The following COX6B1 variants were observed in gnomAD, a reference collection of about 807,000 sequenced individuals.
COX6B1 encodes COX VIb-1.
A neutral mutation model predicts 14.0 loss-of-function variants in COX6B1; 2 were observed. The ratio of observed to expected loss-of-function variants is 0.14; its 90% CI spans 0.06 to 0.45. The LOEUF (loss-of-function observed/expected upper bound fraction) is 0.45. Among genes scored for constraint, COX6B1 ranks in the 20% least tolerant of loss-of-function variants. The probability of loss-of-function intolerance (pLI) is 0.98; values close to 1 mark genes in which losing one functional copy is unlikely to be tolerated. For missense variants in COX6B1, 81 were observed against 114.2 expected (o/e 0.71, Z 1.33); for synonymous variants, 30 against 39.7 (o/e 0.76, Z 0.92).
chr19:35,657,248 C>A (rs1967897187), intron 3 of COX6B1, among the ~76,000 whole-genome samples: 1 of 151,746 alleles, frequency 6.6e-6, no homozygotes, highest in African/African-American at 2.4e-5. Flanking sequence ...GACAGATCAT[C>A]AGGCATTAGA....
chr19:35,654,462 C>T (rs921652987), intron 2 of COX6B1, 109 bp from the exon 3 acceptor site: 35 of 876,616 alleles, frequency 4.0e-5, no homozygotes, highest in Non-Finnish European at 5.8e-5. Context: ...GAGCTGAGAT[C>T]GCACCACTGC....
chr19:35,658,043 C>A (rs147736497), intron 3 of COX6B1, among the ~76,000 whole-genome samples: 6 of 152,248 alleles, frequency 3.9e-5, no homozygotes, highest in African/African-American at 1.2e-4. Context: ...CCTCCCACAT[C>A]GGCCCCGCAA....
intron 3 of COX6B1, among the ~76,000 whole-genome samples, chr19:35,658,303 C>G (rs1248711518): frequency 6.6e-6 from 1 of 152,120 alleles, no homozygotes; most frequent in Non-Finnish European, 1.5e-5. Flanking sequence ...GTTTTCAAAG[C>G]AGGGCCCACC....
intron 1 of COX6B1, among the ~76,000 whole-genome samples, chr19:35,649,518 G>A (rs1220903314): frequency 2.0e-5 from 3 of 147,338 alleles, no homozygotes; most frequent in East Asian, 2.0e-4. Flanking sequence ...TTGCTGTATC[G>A]CCCAGGCTGG....
intron 1 of COX6B1, 43 bp from the exon 2 acceptor site, chr19:35,651,190 G>C (rs901232633): frequency 7.6e-7 from 1 of 1,320,714 alleles, no homozygotes; most frequent in Admixed American, 1.7e-5. Context: ...GCTTGCTCAG[G>C]GCCCCTGGGG....
At chr19:35,650,059 ACTGGCACAAT>A (rs537831914) in intron 1 of COX6B1, among the ~76,000 whole-genome samples, 311 of 150,508 alleles carry the variant, frequency 2.1e-3, no homozygotes, top group African/African-American at 7.2e-3. Flanking sequence ...GTTGGAGTGC[ACTGGCACAAT>A]CTCGGCTCAC....
intron 3 of COX6B1, among the ~76,000 whole-genome samples, chr19:35,655,137 C>T (rs892685064): frequency 7.9e-5 from 12 of 151,468 alleles, no homozygotes; most frequent in Non-Finnish European, 1.2e-4. Context: ...TCAAGCGATT[C>T]CCCTGCCTCA....
intron 2 of COX6B1, among the ~76,000 whole-genome samples, chr19:35,652,709 G>A (rs1485418628): frequency 6.6e-6 from 1 of 151,370 alleles, no homozygotes; most frequent in East Asian, 2.0e-4. Context: ...GCCTCCCAAA[G>A]TGCTGGAATT....
At chr19:35,650,692 ACT>A (rs1967814886) in intron 1 of COX6B1, among the ~76,000 whole-genome samples, 2 of 150,366 alleles carry the variant, frequency 1.3e-5, no homozygotes, top group Non-Finnish European at 1.5e-5. Flanking sequence ...ACAGAGCAAG[ACT>A]CTGTCTTAAA....
rs148311636 is a variant in COX6B1, at chr19:35,658,192, C to A, written c.208-402C>A. Among the ~76,000 whole-genome samples the A allele has an allele frequency of 8.8e-4, 134 of 152,266 alleles. No homozygotes were observed. The East Asian group carries it at 0.018, about 21-fold the overall frequency. The stretch of plus-strand genomic sequence containing the variant: ...GCACTTGACTATGTATCTTGAAGAT[C>A]CATCCATTCATGCCAGAACATAAAT... On this transcript the variant is annotated intron_variant, in intron 3 of 3. Coordinates refer to ENST00000649813, the MANE Select transcript of COX6B1 (RefSeq NM_001863.5).
At chr19:35,650,712 A>G (rs1967815223) in intron 1 of COX6B1, among the ~76,000 whole-genome samples, 1 of 151,852 alleles carries the variant, frequency 6.6e-6, no homozygotes, top group Non-Finnish European at 1.5e-5. Context: ...AAAAAAAGAA[A>G]AAAAAAAACA....
rs747324246 is a variant in COX6B1 at position 35,658,618 on chromosome 19, G to A, written c.232G>A (p.Ala78Thr). Reference sequence around the variant, plus strand: ...GGTCACAGACTGGGATGAGCAACGGGCTGAAGGCACGTTTCCCGGGAAGAT... The same window carrying A: ...GGTCACAGACTGGGATGAGCAACGGACTGAAGGCACGTTTCCCGGGAAGAT... ...SWVTDWDEQR[A>T]EGTFPGKI is the part of the protein sequence containing the mutation. The change falls in exon 4 of 4, where the codon GCT becomes ACT. Residue 78 changes from alanine (A) to threonine (T), a missense_variant. Ala to Thr is a moderately conservative substitution (Grantham distance 58, BLOSUM62 0). Coordinates refer to ENST00000649813, the MANE Select transcript of COX6B1 (RefSeq NM_001863.5). 1.9e-6 allele frequency: 3 copies of A among 1,613,960 alleles called. No homozygotes were observed. Among genetic ancestry groups the A allele is most frequent in the African/African-American group, 2.7e-5 (2 of 74,926 alleles).
chr19:35,655,026 C>CTT (rs559837297), intron 3 of COX6B1, among the ~76,000 whole-genome samples: 1 of 118,744 alleles, frequency 8.4e-6, no homozygotes, highest in Admixed American at 8.6e-5. Context: ...TTTTTTTTTT[C>CTT]TTTTTTTTTT....
intron 1 of COX6B1, among the ~76,000 whole-genome samples, chr19:35,649,466 C>G (rs1050641628): frequency 4.0e-5 from 6 of 150,438 alleles, no homozygotes; most frequent in Non-Finnish European, 5.9e-5. Flanking sequence ...GCCACCACAC[C>G]TGGCTAATTT....
At chr19:35,657,650 ATTTTTTTTTTTT>A (rs1192141047) in intron 3 of COX6B1, among the ~76,000 whole-genome samples, 1 of 115,548 alleles carries the variant, frequency 8.7e-6, no homozygotes, top group South Asian at 2.9e-4. Context: ...GGGCCTTTTC[ATTTTTTTTTTTT>A]TTTTTTTTTT....
chr19:35,654,750 T>C, intron 3 of COX6B1, 79 bp downstream of exon 3: 1 of 1,308,640 alleles, frequency 7.6e-7, no homozygotes, highest in Non-Finnish European at 1.1e-6. Flanking sequence ...TGGTGGGAGC[T>C]CATCTGTGAG....
chr19:35,655,310 G>A (rs1967876721), intron 3 of COX6B1, among the ~76,000 whole-genome samples: 1 of 152,094 alleles, frequency 6.6e-6, no homozygotes, highest in South Asian at 2.1e-4. Context: ...TTACAGGCGT[G>A]AACCACCGTG....
chr19:35,651,195 C>T (rs376796517), intron 1 of COX6B1, 38 bp from the exon 2 acceptor site: 2 of 1,444,844 alleles, frequency 1.4e-6, no homozygotes, highest in Non-Finnish European at 1.9e-6. Flanking sequence ...CTCAGGGCCC[C>T]TGGGGCCCCT....
At chr19:35,653,963 C>T (rs974958120) in intron 2 of COX6B1, among the ~76,000 whole-genome samples, 1 of 152,038 alleles carries the variant, frequency 6.6e-6, no homozygotes, top group South Asian at 2.1e-4. Flanking sequence ...CTTAGCTTCC[C>T]AAAGTGCTGG....
Sources: gnomAD v4.1 joint callset for allele counts (sites outside exome capture counted in the v4.1 genomes callset) on GRCh38, gnomAD v4.1.1 for gene constraint, MANE v1.5 for transcripts, NCBI Gene and HGNC (gene_info 2026-07-23, HGNC 2026-07-21) for gene names.